SEMA4D: variants seen among roughly 807,000 people sequenced by gnomAD.
SEMA4D encodes the protein semaphorin 4D.
In SEMA4D, 22 loss-of-function variants were observed where a neutral mutation model predicts 74.8. The ratio of observed to expected loss-of-function variants is 0.29; its 90% CI spans 0.21 to 0.42. The LOEUF (loss-of-function observed/expected upper bound fraction) is 0.42, where lower values mean the gene tolerates loss of function less well. SEMA4D is among the 10% of genes least tolerant of loss of function. The probability of loss-of-function intolerance (pLI) is 1.00; values close to 1 mark genes in which losing one functional copy is unlikely to be tolerated. For missense variants in SEMA4D, 937 were observed against 1,118.4 expected (o/e 0.84, Z 2.31); for synonymous variants, 445 against 463.7 (o/e 0.96, Z 0.52).
chr9:89,371,083 T>TG (rs1834579059), intron 16 of SEMA4D, among the ~76,000 whole-genome samples: 2 of 57,682 alleles, frequency 3.5e-5, no homozygotes, highest in Non-Finnish European at 6.7e-5. Flanking sequence ...GGGGTGTGTG[T>TG]TATGTCTGGG....
chr9:89,362,330 G>A, exon 19 of SEMA4D: 1 of 1,613,764 alleles, frequency 6.2e-7, no homozygotes, highest in Non-Finnish European at 8.5e-7. Flanking sequence ...GCCTTCTCCG[G>A]GGGTGGCTGT....
Position 89,424,603 on chromosome 9 carries a change from AC to A in SEMA4D, c.-243-18905del, listed in dbSNP as rs1456336840. On this transcript the variant is annotated intron_variant, in intron 2 of 15. Transcript: ENST00000422704. ...TGAGTGTCTCCTTTCTCTGACCAGGACCCTTCTCGAACCCTACTAATTGCCT... is the reference window on the plus strand; with the variant it reads ...TGAGTGTCTCCTTTCTCTGACCAGGACCTTCTCGAACCCTACTAATTGCCT... Among the ~76,000 whole-genome samples, 5 of 151,642 alleles carry A rather than the reference AC, an allele frequency of 3.3e-5. No homozygotes were observed. The East Asian group carries it at 9.7e-4, about 29-fold the overall frequency.
At position 89,387,591 on chromosome 9, in the gene SEMA4D, T is replaced by A. The variant is rs563272595; in HGVS notation, c.1125A>T (p.Ala375=). 6.2e-7 allele frequency: 1 copy of A among 1,614,130 alleles called. No homozygotes were observed. The highest frequency in any genetic ancestry group is 1.7e-5 in the Admixed American group (1 of 60,030). ...AGGAGCTGGTGTAGTTGGCGGCCCG[T>A]GCCTCGCTGTCGATGCACTGCAGGG... ...PRPGACIDSE[A]RAANYTSSLN... Residue 375 remains alanine (A), a synonymous_variant, in exon 12 of 16, where the codon GCA becomes GCT. Transcript: ENST00000422704.
At chr9:89,362,241 C>A in exon 19 of SEMA4D, 1 of 1,253,130 alleles carries the variant, frequency 8.0e-7, no homozygotes, top group Non-Finnish European at 1.2e-6. Context: ...ACTGTCCCGC[C>A]TCTGCCCATC....
chr9:89,390,712 A>AG (rs1839679448), intron 9 of SEMA4D, among the ~76,000 whole-genome samples: 2 of 152,264 alleles, frequency 1.3e-5, no homozygotes, highest in South Asian at 4.2e-4. Context: ...AGCTCCCCTG[A>AG]GGCCTGACAA....
chr9:89,376,770 G>C (rs531959388), downstream of SEMA4D: 13 of 1,479,008 alleles, frequency 8.8e-6, no homozygotes, highest in Non-Finnish European at 1.1e-5. Flanking sequence ...GCCCCCGCCC[G>C]CCCCCCACCT....
At chr9:89,372,550 G>A (rs1005932098), downstream of SEMA4D, among the ~76,000 whole-genome samples, 1 of 151,870 alleles carries the variant, frequency 6.6e-6, no homozygotes, top group South Asian at 2.1e-4. Flanking sequence ...GGATGGCTGT[G>A]CAACAGCTCT....
chr9:89,487,546 GA>G lies in SEMA4D; in HGVS notation c.-310+10372del. ...AAGTCCTAGAAGTGAAAGAAAAGAA[GA>G]AAAAGGAGTAAAAGGCATTCTAACT... is the stretch of plus-strand genomic sequence containing the variant. On this transcript the variant is annotated intron_variant, in intron 1 of 15. Coordinates refer to ENST00000422704, the MANE Select transcript of SEMA4D (RefSeq NM_001371194.2). Among the ~76,000 whole-genome samples the G allele has an allele frequency of 2.0e-5, 3 of 152,128 alleles. No individual in the cohort carries two copies. In the Middle Eastern group the frequency reaches 0.01, roughly 517 times the overall value.
intron 3 of SEMA4D, among the ~76,000 whole-genome samples, chr9:89,403,757 G>T (rs1419986885): frequency 6.6e-6 from 1 of 152,172 alleles, no homozygotes; most frequent in Admixed American, 6.5e-5. Flanking sequence ...ATTACCAAGA[G>T]TCTGCTTTAT....
At chr9:89,491,297 C>T (rs923269861) in intron 1 of SEMA4D, among the ~76,000 whole-genome samples, 1 of 152,130 alleles carries the variant, frequency 6.6e-6, no homozygotes, top group Non-Finnish European at 1.5e-5. Flanking sequence ...AGTCTGGGCA[C>T]CGTGGCTCAC....
intron 4 of SEMA4D, among the ~76,000 whole-genome samples, chr9:89,401,759 G>A (rs1054575821): frequency 5.9e-5 from 9 of 152,134 alleles, no homozygotes; most frequent in Non-Finnish European, 8.8e-5. Context: ...TCCAAGCATC[G>A]ATTCTGCATT....
chr9:89,370,624 T>G (rs180862223), intron 16 of SEMA4D, among the ~76,000 whole-genome samples: 76 of 146,458 alleles, frequency 5.2e-4, no homozygotes, highest in Admixed American at 2.2e-3. Context: ...GGGATGTGTG[T>G]GGGGGGGTAC....
At chr9:89,454,321 G>C (rs1855406275) in intron 2 of SEMA4D, among the ~76,000 whole-genome samples, 1 of 152,140 alleles carries the variant, frequency 6.6e-6, no homozygotes, top group East Asian at 1.9e-4. Context: ...AGACACACCT[G>C]CATCAACCTT....
At chr9:89,363,220 CA>C (rs1312757503) in intron 18 of SEMA4D, among the ~76,000 whole-genome samples, 1 of 152,222 alleles carries the variant, frequency 6.6e-6, no homozygotes, top group East Asian at 1.9e-4. Context: ...GGGCTGGGGC[CA>C]GATGCCCCTT....
intron 16 of SEMA4D, among the ~76,000 whole-genome samples, chr9:89,371,794 G>GTC (rs1834927638): frequency 1.4e-5 from 1 of 74,006 alleles, no homozygotes; most frequent in Non-Finnish European, 2.7e-5. Flanking sequence ...GGGTGTGTTT[G>GTC]GGGTGTGTGT....
intron 1 of SEMA4D, among the ~76,000 whole-genome samples, chr9:89,489,019 G>A (rs960029789): frequency 6.6e-6 from 1 of 152,148 alleles, no homozygotes; most frequent in African/African-American, 2.4e-5. Flanking sequence ...TACACAAATA[G>A]CTAATAAGCA....
chr9:89,429,672 C>G (rs1365755925), intron 2 of SEMA4D, among the ~76,000 whole-genome samples: 1 of 152,158 alleles, frequency 6.6e-6, no homozygotes, highest in Admixed American at 6.5e-5. Flanking sequence ...GTTCCTGGGT[C>G]CCAGCCGGGT....
At chr9:89,386,016 T>G in intron 13 of SEMA4D, 13 of 985,310 alleles carry the variant, frequency 1.3e-5, no homozygotes, top group Non-Finnish European at 1.4e-5. Context: ...CACTATCATA[T>G]CCCACAGATG....
At chr9:89,435,292 T>C (rs1343761578) in intron 2 of SEMA4D, among the ~76,000 whole-genome samples, 2 of 152,366 alleles carry the variant, frequency 1.3e-5, no homozygotes, top group African/African-American at 4.8e-5. Context: ...GTACATTCCA[T>C]GGGAATCTTG....
Sources: allele counts gnomAD v4.1 joint callset (sites outside exome capture counted in the v4.1 genomes callset), GRCh38; gene constraint gnomAD v4.1.1; transcripts MANE v1.5; gene names NCBI Gene and HGNC (gene_info 2026-07-23, HGNC 2026-07-21).